Variants in KCNH5 observed in about 807,000 individuals in gnomAD.
KCNH5 encodes voltage-gated delayed rectifier potassium channel KCNH5.
A neutral mutation model predicts 96.1 loss-of-function variants in KCNH5; 46 were observed. That is an observed-to-expected ratio of 0.48 (90% CI 0.38 to 0.61). The LOEUF is 0.61. Among genes scored for constraint, KCNH5 ranks in the 20% least tolerant of loss-of-function variants. The pLI is 0.00. For synonymous variants in KCNH5, 439 were observed against 449.8 expected, an observed-to-expected ratio of 0.98 and a Z score of 0.30; for missense variants, 907 against 1,225.8, an observed-to-expected ratio of 0.74 and a Z score of 3.88.
At chr14:62,913,089 A>G (rs1295942913) in intron 7 of KCNH5, among the ~76,000 whole-genome samples, 1 of 152,232 alleles carries the variant, frequency 6.6e-6, no homozygotes, top group Non-Finnish European at 1.5e-5. Flanking sequence ...AGGAGTCAAA[A>G]TGTATGGGGT....
intron 10 of KCNH5, among the ~76,000 whole-genome samples, chr14:62,728,905 G>C (rs951340361): frequency 6.6e-6 from 1 of 152,210 alleles, no homozygotes; most frequent in Non-Finnish European, 1.5e-5. Flanking sequence ...AGAAGACTAA[G>C]AGCATGGGGC....
chr14:62,921,171 A>AT (rs1889374488), intron 7 of KCNH5, among the ~76,000 whole-genome samples: 1 of 152,126 alleles, frequency 6.6e-6, no homozygotes, highest in Non-Finnish European at 1.5e-5. Context: ...ACAAAAAAAA[A>AT]GTCAAATGTG....
At chr14:62,927,916 G>T (rs1001545793) in intron 7 of KCNH5, among the ~76,000 whole-genome samples, 1 of 151,946 alleles carries the variant, frequency 6.6e-6, no homozygotes, top group Non-Finnish European at 1.5e-5. Context: ...AAAAATGATG[G>T]GTTGTGAAGA....
rs1890603677 is a variant in KCNH5 at position 62,981,327 on chromosome 14, C to T, written c.550-63G>A. The T allele has an allele frequency of 1.0e-5, 15 of 1,497,728 alleles. No individual in the cohort carries two copies. In the South Asian group the frequency reaches 1.8e-4, roughly 18 times the overall value. 92.8% of individuals were successfully genotyped at this position (1,497,728 alleles called of 1,614,324 possible). On this transcript the variant is annotated intron_variant, in intron 5 of 10. Coordinates refer to ENST00000322893, the MANE Select transcript of KCNH5 (RefSeq NM_139318.5). ...ATCTCTGCACAGTCAGTGATGAATT[C>T]AAATCTACTGGCAGTCAAACCACAG...
chr14:62,822,893 G>A (rs975395720), intron 8 of KCNH5, among the ~76,000 whole-genome samples: 1 of 151,988 alleles, frequency 6.6e-6, no homozygotes, highest in Non-Finnish European at 1.5e-5. Context: ...TTTCACAAAG[G>A]TTAATAACAC....
intron 7 of KCNH5, among the ~76,000 whole-genome samples, chr14:62,862,779 T>C (rs969575848): frequency 1.3e-5 from 2 of 152,080 alleles, no homozygotes; most frequent in Non-Finnish European, 2.9e-5. Flanking sequence ...TGAACCTAGC[T>C]CCCAACTAAT....
chr14:62,869,957 T>A (rs1213545798), intron 7 of KCNH5, among the ~76,000 whole-genome samples: 1 of 152,136 alleles, frequency 6.6e-6, no homozygotes, highest in East Asian at 1.9e-4. Context: ...CAAGATTAAT[T>A]GAAGATTTAA....
rs1889974660 is a variant in KCNH5, at chr14:62,950,280, T to C, written c.1222A>G (p.Ile408Val). 1.2e-6 allele frequency: 2 copies of C among 1,613,910 alleles called. No individual in the cohort carries two copies. The highest frequency in any genetic ancestry group is 2.7e-5 in the African/African-American group (2 of 74,890). Reference protein sequence around the residue: ...TPYRYNTSAGIWEGGPSKDSL... With the variant: ...TPYRYNTSAGVWEGGPSKDSL... Reference sequence around the variant, plus strand: ...TCCTTGCTGGGTCCTCCTTCCCATATCCCAGCACTGGTATTGTAGCGATAT... The same window carrying C: ...TCCTTGCTGGGTCCTCCTTCCCATACCCCAGCACTGGTATTGTAGCGATAT... The change falls in exon 7 of 11, where the codon ATA becomes GTA. Residue 408 changes from isoleucine to valine, a missense_variant. Around this residue, in one of 6 missense-constraint regions of KCNH5, gnomAD observed 370 missense variants for 561.3 expected, o/e 0.66. Transcript: ENST00000322893.
chr14:62,715,509 A>C (rs552926326), intron 10 of KCNH5, among the ~76,000 whole-genome samples: 1 of 152,322 alleles, frequency 6.6e-6, no homozygotes, highest in South Asian at 2.1e-4. Context: ...TTATTTATTC[A>C]ATGCTACCAT....
At chr14:62,899,783 G>A (rs959815024) in intron 7 of KCNH5, among the ~76,000 whole-genome samples, 1 of 149,706 alleles carries the variant, frequency 6.7e-6, no homozygotes, top group Non-Finnish European at 1.5e-5. Flanking sequence ...GCAGTGAGCC[G>A]AGATCCCGCC....
chr14:63,016,742 A>G, intron 2 of KCNH5, 89 bp downstream of exon 2: 3 of 1,285,040 alleles, frequency 2.3e-6, no homozygotes, highest in Non-Finnish European at 3.2e-6. Flanking sequence ...TGGTTTGTAT[A>G]TGGGAGTCCA....
At position 62,933,364 on chromosome 14, in the gene KCNH5, T is replaced by C. The variant is rs367823806; in HGVS notation, c.1369+16769A>G. Among the ~76,000 whole-genome samples, 58 of 152,192 alleles carry C rather than the reference T, an allele frequency of 3.8e-4. 3 individuals are homozygous for C. In the South Asian group the frequency reaches 7.5e-3, roughly 20 times the overall value. Reference sequence around the variant, plus strand: ...AATAGCATATACCTAGTCATAATAATGAAAACAGCTATTGATTATATCAAA... The same window carrying C: ...AATAGCATATACCTAGTCATAATAACGAAAACAGCTATTGATTATATCAAA... On this transcript the variant is annotated intron_variant, in intron 7 of 10. Coordinates refer to ENST00000322893, the MANE Select transcript of KCNH5 (RefSeq NM_139318.5).
chr14:62,934,989 C>T (rs1889651388), intron 7 of KCNH5, among the ~76,000 whole-genome samples: 1 of 152,132 alleles, frequency 6.6e-6, no homozygotes, highest in Non-Finnish European at 1.5e-5. Flanking sequence ...AGCTTCCCAT[C>T]CAGAACTCTA....
chr14:62,750,930 T>C (rs989545363), intron 10 of KCNH5, among the ~76,000 whole-genome samples: 2 of 152,090 alleles, frequency 1.3e-5, no homozygotes, highest in Non-Finnish European at 2.9e-5. Flanking sequence ...CTGTAAACCA[T>C]TCTACCTCAG....
chr14:62,986,628 A>C (rs1890713628), intron 5 of KCNH5, among the ~76,000 whole-genome samples: 2 of 152,148 alleles, frequency 1.3e-5, no homozygotes, highest in African/African-American at 4.8e-5. Context: ...ATTCTCCTGC[A>C]CAGGCTCCCA....
chr14:62,980,689 AAGG>A lies in KCNH5; in HGVS notation c.942+180_942+182del, dbSNP rs1193961108. On this transcript the variant is annotated intron_variant, in intron 6 of 10. Transcript: ENST00000322893. The stretch of plus-strand genomic sequence containing the variant: ...TAATTAGTACTTTCAACCAGATATC[AAGG>A]AGAAGAAACAGATGAAAACTAATTT... 3.9e-5 allele frequency among the ~76,000 whole-genome samples: 6 copies of A among 152,306 alleles called. No individual in the cohort carries two copies. The East Asian group carries it at 1.2e-3, about 29-fold the overall frequency.
chr14:62,774,633 G>C (rs1595616588), intron 10 of KCNH5, among the ~76,000 whole-genome samples: 1 of 152,258 alleles, frequency 6.6e-6, no homozygotes, highest in East Asian at 1.9e-4. Context: ...ATACCTAAGA[G>C]CTGGTCATCA....
chr14:62,973,587 T>G (rs539333100), intron 6 of KCNH5, among the ~76,000 whole-genome samples: 1 of 152,290 alleles, frequency 6.6e-6, no homozygotes, highest in East Asian at 1.9e-4. Flanking sequence ...TGCCAGTGCC[T>G]TGGACTTCCT....
intron 4 of KCNH5, among the ~76,000 whole-genome samples, chr14:62,992,882 C>T (rs1261384526): frequency 6.6e-6 from 1 of 151,982 alleles, no homozygotes; most frequent in African/African-American, 2.4e-5. Context: ...GTCATGAATT[C>T]TTTGCCTACA....
Sources: allele counts gnomAD v4.1 joint callset (sites outside exome capture counted in the v4.1 genomes callset), GRCh38; gene constraint gnomAD v4.1.1; regional missense constraint gnomAD v4.1.1; transcripts MANE v1.5; gene names NCBI Gene and HGNC (gene_info 2026-07-23, HGNC 2026-07-21).